Variants in NTN4 observed in about 807,000 individuals in gnomAD.
NTN4 encodes netrin 4, also known as netrin-4.
In NTN4, 32 loss-of-function variants were observed where a neutral mutation model predicts 73.6. The ratio of observed to expected loss-of-function variants is 0.44; its 90% CI spans 0.33 to 0.58. The LOEUF is 0.58. NTN4 is among the 20% of genes least tolerant of loss of function. The pLI is 0.04. For synonymous variants in NTN4, 258 were observed against 287.5 expected (o/e 0.90, Z 1.04); for missense variants, 654 against 798.3 (o/e 0.82, Z 2.18).
chr12:95,749,446 T>C (rs1301101202), intron 2 of NTN4, among the ~76,000 whole-genome samples: 1 of 152,178 alleles, frequency 6.6e-6, no homozygotes, highest in African/African-American at 2.4e-5. Context: ...CGGCCTCTTC[T>C]TACTCTCTTC....
chr12:95,789,903 G>A lies in NTN4; in HGVS notation c.55+352C>T, dbSNP rs2079195595. 4.4e-6 allele frequency: 1 copy of A among 229,692 alleles called. No individual in the cohort carries two copies. The highest frequency in any genetic ancestry group is 8.5e-6 in the Non-Finnish European group (1 of 118,098). 14.2% of individuals were successfully genotyped at this position (229,692 alleles called of 1,614,324 possible). On this transcript the variant is annotated intron_variant, in intron 1 of 9. Transcript: ENST00000343702. The surrounding 1 kb of genome is among the most constrained non-coding windows in gnomAD (Gnocchi z 4.0). ...GGCCACCCCTCCTCATCATTCCTTA[G>A]GCCATGAAGTGCCGGGGGATGGCGA...
intron 3 of NTN4, among the ~76,000 whole-genome samples, chr12:95,724,438 A>G (rs1480785850): frequency 6.6e-6 from 1 of 152,242 alleles, no homozygotes; most frequent in Non-Finnish European, 1.5e-5. Context: ...AGATCCTACA[A>G]GTGAACTGAG....
At chr12:95,765,921 A>G (rs2079018437) in intron 2 of NTN4, among the ~76,000 whole-genome samples, 1 of 152,188 alleles carries the variant, frequency 6.6e-6, no homozygotes, top group African/African-American at 2.4e-5. Context: ...AACTAGACAG[A>G]TAATAGTGGA....
At chr12:95,773,528 G>T (rs2079071988) in intron 2 of NTN4, among the ~76,000 whole-genome samples, 2 of 152,080 alleles carry the variant, frequency 1.3e-5, no homozygotes, top group African/African-American at 4.8e-5. Flanking sequence ...ACTGCACCTG[G>T]ACCCCTTAGC....
intron 5 of NTN4, among the ~76,000 whole-genome samples, chr12:95,688,326 G>A (rs1358830792): frequency 1.3e-5 from 2 of 152,090 alleles, no homozygotes; most frequent in Non-Finnish European, 2.9e-5. Context: ...GGAAGAAAGA[G>A]TTGTTGAGGG....
chr12:95,675,932 T>C (rs540699567), intron 7 of NTN4, among the ~76,000 whole-genome samples: 3 of 152,278 alleles, frequency 2.0e-5, no homozygotes, highest in Admixed American at 1.3e-4. Context: ...TCATGGCCAC[T>C]TGATGACATT....
chr12:95,671,349 G>A (rs2078228769), intron 7 of NTN4, among the ~76,000 whole-genome samples: 1 of 152,130 alleles, frequency 6.6e-6, no homozygotes, highest in Non-Finnish European at 1.5e-5. Flanking sequence ...GCCGTGGACT[G>A]GTACTGGTTT....
rs149660843 is a variant in NTN4 at position 95,776,390 on chromosome 12, C to A, written c.585+10549G>T. Reference sequence around the variant, plus strand: ...GCTAAAGGAGGAAGTTCGAACCCATCGCAAAGAAGTTAAAAACCTTGGAAA... The same window carrying A: ...GCTAAAGGAGGAAGTTCGAACCCATAGCAAAGAAGTTAAAAACCTTGGAAA... On this transcript the variant is annotated intron_variant, in intron 2 of 9. Transcript: ENST00000343702. Among the ~76,000 whole-genome samples, 1,158 of 152,210 alleles carry A rather than the reference C, an allele frequency of 7.6e-3. 13 individuals are homozygous for A. The highest frequency in any genetic ancestry group is 0.027 in the African/African-American group (1,121 of 41,542).
intron 7 of NTN4, among the ~76,000 whole-genome samples, chr12:95,676,912 T>C (rs561209323): frequency 1.3e-5 from 2 of 152,300 alleles, no homozygotes; most frequent in East Asian, 3.9e-4. Flanking sequence ...ATACCATGTA[T>C]AACTCTATGC....
At chr12:95,766,953 A>G (rs2079025016) in intron 2 of NTN4, among the ~76,000 whole-genome samples, 1 of 152,160 alleles carries the variant, frequency 6.6e-6, no homozygotes, top group Non-Finnish European at 1.5e-5. Context: ...AGGAATTAAT[A>G]TTTATCACTG....
chr12:95,742,189 T>C (rs1433609807), intron 2 of NTN4, among the ~76,000 whole-genome samples: 1 of 152,006 alleles, frequency 6.6e-6, no homozygotes, highest in Non-Finnish European at 1.5e-5. Flanking sequence ...TCATAAAAAA[T>C]TCTCAATAAG....
At chr12:95,679,807 T>G (rs1164993905) in intron 7 of NTN4, among the ~76,000 whole-genome samples, 3 of 152,100 alleles carry the variant, frequency 2.0e-5, no homozygotes, top group African/African-American at 7.2e-5. Context: ...AAAGCCAAGG[T>G]CCTCATAGTG....
At chr12:95,705,568 AT>A (rs2078516505) in intron 5 of NTN4, among the ~76,000 whole-genome samples, 1 of 151,718 alleles carries the variant, frequency 6.6e-6, no homozygotes, top group Admixed American at 6.6e-5. Flanking sequence ...AATCCTGTTG[AT>A]TTTTCTCTCT....
chr12:95,741,463 A>G (rs1270387921), intron 2 of NTN4, among the ~76,000 whole-genome samples: 1 of 119,836 alleles, frequency 8.3e-6, no homozygotes, highest in East Asian at 2.3e-4. Flanking sequence ...ATATATATAT[A>G]TATATATATA....
chr12:95,778,451 T>C (rs1022465067), intron 2 of NTN4, among the ~76,000 whole-genome samples: 6 of 151,696 alleles, frequency 4.0e-5, no homozygotes, highest in Non-Finnish European at 8.8e-5. Flanking sequence ...AAGAATCAAA[T>C]AGACACAATA....
At chr12:95,688,081 A>C (rs902043762) in intron 5 of NTN4, among the ~76,000 whole-genome samples, 1 of 152,162 alleles carries the variant, frequency 6.6e-6, no homozygotes, top group African/African-American at 2.4e-5. Context: ...GGCATAATGA[A>C]TCATAAGAAG....
At position 95,768,686 on chromosome 12, in the gene NTN4, T is replaced by C. The variant is rs1247026002; in HGVS notation, c.585+18253A>G. Among the ~76,000 whole-genome samples, 13 of 152,270 alleles carry C rather than the reference T, an allele frequency of 8.5e-5. No homozygotes were observed. The East Asian group carries it at 2.3e-3, about 27-fold the overall frequency. ...AGTAACATTTTGTATTTTTAAAATA[T>C]CCTTGAGAATGCAGTATAGAGAATA... On this transcript the variant is annotated intron_variant, in intron 2 of 9. Coordinates refer to ENST00000343702, the MANE Select transcript of NTN4 (RefSeq NM_021229.4).
intron 5 of NTN4, among the ~76,000 whole-genome samples, chr12:95,701,888 C>A (rs2468360): frequency 0.81 from 123,518 of 152,098 alleles, 50,271 homozygotes; most frequent in South Asian, 0.86. Flanking sequence ...TGCCCAGGTA[C>A]GTATTTTATT....
chr12:95,679,121 T>C (rs747140227), intron 7 of NTN4, among the ~76,000 whole-genome samples: 2 of 152,124 alleles, frequency 1.3e-5, no homozygotes, highest in Non-Finnish European at 2.9e-5. Context: ...ATCCATAAAG[T>C]CAATGCAATT....
Sources: allele counts gnomAD v4.1 joint callset (sites outside exome capture counted in the v4.1 genomes callset), GRCh38; gene constraint gnomAD v4.1.1; non-coding constraint Gnocchi (gnomAD v3.1); transcripts MANE v1.5; gene names NCBI Gene and HGNC (gene_info 2026-07-23, HGNC 2026-07-21).